Variants in KLHL40 observed in about 807,000 individuals in gnomAD.
KLHL40 encodes kelch like family member 40.
In KLHL40, 44 loss-of-function variants were observed where a neutral mutation model predicts 49.7. The observed-to-expected ratio is 0.89, with a 90% CI of 0.70 to 1.14. The LOEUF is 1.14. Among genes scored for constraint, KLHL40 ranks in the 50% most tolerant of loss-of-function variants. The pLI, the probability that KLHL40 is intolerant of heterozygous loss-of-function variation, is 0.00. For missense variants in KLHL40, 892 were observed against 850.3 expected, an observed-to-expected ratio of 1.05 and a Z score of -0.61; for synonymous variants, 409 against 365.2, an observed-to-expected ratio of 1.12 and a Z score of -1.37.
Position 42,688,497 on chromosome 3 carries a change from G to T in KLHL40, c.1314-113G>T. ...AGAGGCCTCGGAAGTTCCAGCAATG[G>T]ATCTGACGCATCTCGAATATGTGTT... is the stretch of plus-strand genomic sequence containing the variant. On this transcript the variant is annotated intron_variant, in intron 2 of 5. Coordinates refer to ENST00000287777, the MANE Select transcript of KLHL40 (RefSeq NM_152393.4). The surrounding 1 kb of genome is among the most constrained non-coding windows in gnomAD (Gnocchi z 4.2). The T allele has an allele frequency of 1.0e-6, 1 of 988,864 alleles. No individual in the cohort carries two copies. The highest frequency in any genetic ancestry group is 1.4e-5 in the South Asian group (1 of 72,158). The allele number at this position is 988,864 out of a possible 1,614,324, so 61.3% of individuals were successfully genotyped here.
At position 42,686,372 on chromosome 3, in the gene KLHL40, C is replaced by T. The variant is rs1427022947; in HGVS notation, c.754C>T (p.Arg252Cys). The change falls in exon 1 of 6, where the codon CGC becomes TGC. Residue 252 changes from arginine to cysteine, a missense_variant. Arg to Cys is a radical substitution (Grantham distance 180). Coordinates refer to ENST00000287777, the MANE Select transcript of KLHL40 (RefSeq NM_152393.4). ...CGTGCGTGCCCAGCCCGAGTTGCTG[C>T]GCAAGGTGCAGATGGTGAAGGATGC... ...PLVRAQPELL[R>C]KVQMVKDAHE... is the part of the protein sequence containing the mutation. 4 of 1,613,130 alleles carry T rather than the reference C, an allele frequency of 2.5e-6. No individual in the cohort carries two copies. The highest frequency in any genetic ancestry group is 3.4e-6 in the Non-Finnish European group (4 of 1,179,942).
intron 4 of KLHL40, among the ~76,000 whole-genome samples, chr3:42,689,513 T>G (rs1697327783): frequency 2.0e-5 from 3 of 148,618 alleles, no homozygotes; most frequent in African/African-American, 5.0e-5. Flanking sequence ...GGAGGGAAGG[T>G]GTTGCTCCAG....
chr3:42,688,820 T>C lies in KLHL40; in HGVS notation c.1422-49T>C. ...CCCGGCAGGTGATTGCAGGGAGGCG[T>C]GGCTGGGCTCCTGCTTCTCTCCACC... On this transcript the variant is annotated intron_variant, in intron 3 of 5. Coordinates refer to ENST00000287777, the MANE Select transcript of KLHL40 (RefSeq NM_152393.4). This position sits in a 1 kb window ranked among gnomAD's most constrained non-coding sequence, Gnocchi z 4.2. 1 of 1,594,858 alleles carries C rather than the reference T, an allele frequency of 6.3e-7. No homozygotes were observed. The highest frequency in any genetic ancestry group is 2.2e-5 in the East Asian group (1 of 44,688).
Position 42,688,547 on chromosome 3 carries a change from A to G in KLHL40, c.1314-63A>G, listed in dbSNP as rs796817419. On this transcript the variant is annotated intron_variant, in intron 2 of 5. Coordinates refer to ENST00000287777, the MANE Select transcript of KLHL40 (RefSeq NM_152393.4). The surrounding 1 kb of genome is among the most constrained non-coding windows in gnomAD (Gnocchi z 4.2). ...TAGGTGGATGGGCGGATGGGTGCAG[A>G]GACAGGGACTGAGCCGAGCCTGGAT... The G allele has an allele frequency of 9.6e-6, 12 of 1,251,716 alleles. No homozygotes were observed. The African/African-American group carries it at 1.8e-4, about 19-fold the overall frequency. 77.5% of individuals were successfully genotyped at this position (1,251,716 alleles called of 1,614,324 possible).
rs143516959 is a variant in KLHL40, at chr3:42,691,962, G to A, written c.1835G>A (p.Arg612Gln). 71 of 1,612,144 alleles carry A rather than the reference G, an allele frequency of 4.4e-5. 1 individual carries two copies. The highest frequency in any genetic ancestry group is 4.4e-4 in the South Asian group (40 of 91,024). Reference protein sequence around the residue: ...YAAGATFLPVRLNVLCLTKM With the variant: ...YAAGATFLPVQLNVLCLTKM ...GCAGGTGCCACCTTCCTACCAGTGCGGCTCAATGTGCTGTGCCTGACTAAG... is the reference window on the plus strand; with the variant it reads ...GCAGGTGCCACCTTCCTACCAGTGCAGCTCAATGTGCTGTGCCTGACTAAG... Residue 612 changes from arginine (R) to glutamine (Q), a missense_variant, in exon 6 of 6, where the codon CGG becomes CAG. Coordinates refer to ENST00000287777, the MANE Select transcript of KLHL40 (RefSeq NM_152393.4).
chr3:42,688,891 GT>G lies in KLHL40; in HGVS notation c.1445del (p.Val482AlafsTer42). ...CAGGAAGTGCCTGAACAAGATGTGC[GT>G]CTATGACCCCAAGAAGTTTGAGTGG... ...SDRKCLNKMC[V>X]YDPKKFEWKE... On this transcript the variant is annotated frameshift_variant, in exon 4 of 6. Coordinates refer to ENST00000287777, the MANE Select transcript of KLHL40 (RefSeq NM_152393.4). LOFTEE classifies it high-confidence loss of function. This position sits in a 1 kb window ranked among gnomAD's most constrained non-coding sequence, Gnocchi z 4.2. 6.2e-7 allele frequency: 1 copy of G among 1,614,074 alleles called. No individual in the cohort carries two copies. Among genetic ancestry groups the G allele is most frequent in the Non-Finnish European group, 8.5e-7 (1 of 1,179,966 alleles).
intron 5 of KLHL40, 81 bp downstream of exon 5, chr3:42,691,086 C>A: frequency 1.4e-6 from 2 of 1,413,438 alleles, no homozygotes; most frequent in Non-Finnish European, 1.9e-6. Context: ...TACCAAGGCA[C>A]TGGGCAAGCT....
chr3:42,691,791 A>G lies in KLHL40; in HGVS notation c.1755-91A>G, dbSNP rs985398041. The G allele has an allele frequency of 1.6e-5, 13 of 803,130 alleles. No individual in the cohort carries two copies. The African/African-American group carries it at 2.2e-4, about 13-fold the overall frequency. 49.8% of individuals were successfully genotyped at this position (803,130 alleles called of 1,614,324 possible). A position where few individuals can be genotyped will look rare whatever the true frequency, so the allele number is the denominator to read the frequency against. On this transcript the variant is annotated intron_variant, in intron 5 of 5. Coordinates refer to ENST00000287777, the MANE Select transcript of KLHL40 (RefSeq NM_152393.4). ...AGCAGATCTCCCTAGAGATGGGCCA[A>G]GTGCCCTCAGCCACCCCTCTCTGCT... is the stretch of plus-strand genomic sequence containing the variant.
Position 42,686,783 on chromosome 3 carries a change from C to G in KLHL40, c.1152+13C>G, listed in dbSNP as rs1379439467. 3.1e-6 allele frequency: 5 copies of G among 1,589,818 alleles called. No homozygotes were observed. The highest frequency in any genetic ancestry group is 4.3e-6 in the Non-Finnish European group (5 of 1,168,624). Reference sequence around the variant, plus strand: ...ATACTTCCTGCAGGTGCCTGACCAGCCTTGGGAGCCGCCAGCTAATGCTGG... The same window carrying G: ...ATACTTCCTGCAGGTGCCTGACCAGGCTTGGGAGCCGCCAGCTAATGCTGG... On this transcript the variant is annotated intron_variant, in intron 1 of 5. Transcript: ENST00000287777.
Position 42,688,130 on chromosome 3 carries a change from C to G in KLHL40, c.1153-12C>G. 1 of 1,613,750 alleles carries G rather than the reference C, an allele frequency of 6.2e-7. No individual in the cohort carries two copies. Among genetic ancestry groups the G allele is most frequent in the Non-Finnish European group, 8.5e-7 (1 of 1,179,964 alleles). ...GTGGGGGGCGGTAGCTGACTGGACACCTGGCCTGCAGTTTGACCATCTGGA... is the reference window on the plus strand; with the variant it reads ...GTGGGGGGCGGTAGCTGACTGGACAGCTGGCCTGCAGTTTGACCATCTGGA... On this transcript the variant is annotated splice_polypyrimidine_tract_variant and intron_variant, in intron 1 of 5. Coordinates refer to ENST00000287777, the MANE Select transcript of KLHL40 (RefSeq NM_152393.4). The surrounding 1 kb of genome is among the most constrained non-coding windows in gnomAD (Gnocchi z 4.2).
intron 1 of KLHL40, among the ~76,000 whole-genome samples, chr3:42,687,118 G>A (rs979747525): frequency 1.3e-5 from 2 of 152,190 alleles, no homozygotes; most frequent in Non-Finnish European, 2.9e-5. Context: ...TGAAGGCCAG[G>A]CCCGGAGCTC....
Position 42,692,413 on chromosome 3 carries a change from C to T in KLHL40, c.*420C>T. Reference sequence around the variant, plus strand: ...TCCTTCTTTAGGAAGAATAAAGTGCCTTCTGAGCAAGCAGCTCAGGGTCTG... The same window carrying T: ...TCCTTCTTTAGGAAGAATAAAGTGCTTTCTGAGCAAGCAGCTCAGGGTCTG... On this transcript the variant is annotated 3_prime_UTR_variant, in exon 6 of 6. Transcript: ENST00000287777. 1 of 415,280 alleles carries T rather than the reference C, an allele frequency of 2.4e-6. No homozygotes were observed. Among genetic ancestry groups the T allele is most frequent in the Admixed American group, 3.7e-5 (1 of 26,956 alleles). The allele number at this position is 415,280 out of a possible 1,614,324, so 25.7% of individuals were successfully genotyped here. A position where few individuals can be genotyped will look rare whatever the true frequency, so the allele number is the denominator to read the frequency against.
Position 42,686,671 on chromosome 3 carries a change from C to T in KLHL40, c.1053C>T (p.His351=), listed in dbSNP as rs61736693. 6.3e-3 allele frequency: 10,125 copies of T among 1,613,878 alleles called. 474 individuals are homozygous for T. The African/African-American group carries it at 0.11, about 18-fold the overall frequency. The stretch of plus-strand genomic sequence containing the variant: ...TCTCCAACCAGGTCCCCAAGAACCA[C>T]GTCAGCCTGGTTACCAAGGAGAACC... ...ASLSNQVPKN[H]VSLVTKENQV... is the part of the protein sequence containing the mutation. Residue 351 remains histidine, a synonymous_variant, in exon 1 of 6, where the codon CAC becomes CAT. Coordinates refer to ENST00000287777, the MANE Select transcript of KLHL40 (RefSeq NM_152393.4).
At chr3:42,690,679 A>G (rs911842009) in intron 4 of KLHL40, among the ~76,000 whole-genome samples, 180 bp from the exon 5 acceptor site, 5 of 152,064 alleles carry the variant, frequency 3.3e-5, no homozygotes, top group African/African-American at 1.2e-4. Flanking sequence ...GTGGAGGAGC[A>G]AGAGAATGGG....
intron 1 of KLHL40, among the ~76,000 whole-genome samples, chr3:42,687,566 T>C (rs908979921): frequency 2.6e-5 from 4 of 152,124 alleles, no homozygotes; most frequent in African/African-American, 9.7e-5. Flanking sequence ...GGCCTCTGTT[T>C]GTAACTGGGG....
At position 42,686,334 on chromosome 3, in the gene KLHL40, A is replaced by G. The variant is rs776343071; in HGVS notation, c.716A>G (p.Glu239Gly). The change falls in exon 1 of 6, where the codon GAG becomes GGG. Residue 239 changes from glutamate (E) to glycine (G), a missense_variant. Coordinates refer to ENST00000287777, the MANE Select transcript of KLHL40 (RefSeq NM_152393.4). ...LPRAFLESRV[E>G]RHPLVRAQPE... is the part of the protein sequence containing the mutation. ...CGCGCCTTTCTGGAAAGCCGCGTGG[A>G]GCGCCACCCTCTCGTGCGTGCCCAG... 10 of 1,610,596 alleles carry G rather than the reference A, an allele frequency of 6.2e-6. No homozygotes were observed. The highest frequency in any genetic ancestry group is 7.6e-6 in the Non-Finnish European group (9 of 1,178,632).
rs368161576 is a variant in KLHL40 at position 42,689,042 on chromosome 3, T to C, written c.1595T>C (p.Ile532Thr). 52 of 1,611,700 alleles carry C rather than the reference T, an allele frequency of 3.2e-5. No individual in the cohort carries two copies. The highest frequency in any genetic ancestry group is 4.3e-5 in the Non-Finnish European group (51 of 1,178,296). ...GLTSSAEVYSITDNKWAPFEA... is the reference protein window; with the variant it reads ...GLTSSAEVYSTTDNKWAPFEA... ...ACCAGTTCTGCCGAAGTGTACAGCA[T>C]CACAGACAACAAGTATGAAAGCTTG... The change falls in exon 4 of 6, where the codon ATC becomes ACC. Residue 532 changes from isoleucine (I) to threonine (T), a missense_variant. Transcript: ENST00000287777.
chr3:42,686,700 TCTTCG>T lies in KLHL40; in HGVS notation c.1083_1087del (p.Phe362GlyfsTer23). On this transcript the variant is annotated frameshift_variant, in exon 1 of 6. Transcript: ENST00000287777. LOFTEE classifies it high-confidence loss of function. ...AGCCTGGTTACCAAGGAGAACCAGG[TCTTCG>T]TGGCTGGAGGCCTCTTCTACAACGA... The T allele has an allele frequency of 6.2e-7, 1 of 1,613,582 alleles. No homozygotes were observed. Among genetic ancestry groups the T allele is most frequent in the Non-Finnish European group, 8.5e-7 (1 of 1,180,004 alleles).
Position 42,689,028 on chromosome 3 carries a change from C to T in KLHL40, c.1581C>T (p.Ala527=), listed in dbSNP as rs368181917. The T allele has an allele frequency of 2.9e-5, 46 of 1,613,772 alleles. No homozygotes were observed. The highest frequency in any genetic ancestry group is 3.4e-5 in the Non-Finnish European group (40 of 1,179,872). The change falls in exon 4 of 6, where the codon GCC becomes GCT. Residue 527 remains alanine (A), a synonymous_variant. Transcript: ENST00000287777. ...CCGACACAGGGCTGACCAGTTCTGCCGAAGTGTACAGCATCACAGACAACA... is the reference window on the plus strand; with the variant it reads ...CCGACACAGGGCTGACCAGTTCTGCTGAAGTGTACAGCATCACAGACAACA... The part of the protein sequence containing the change: ...GVTDTGLTSS[A]EVYSITDNKW...
Sources: allele counts gnomAD v4.1 joint callset (sites outside exome capture counted in the v4.1 genomes callset), GRCh38; gene constraint gnomAD v4.1.1; non-coding constraint Gnocchi (gnomAD v3.1); transcripts MANE v1.5; gene names NCBI Gene and HGNC (gene_info 2026-07-23, HGNC 2026-07-21).